DOCK8: variants seen among roughly 807,000 people sequenced by gnomAD.
DOCK8 encodes dedicator of cytokinesis protein 8.
In DOCK8, 141 loss-of-function variants were observed where a neutral mutation model predicts 245.6. The ratio of observed to expected loss-of-function variants is 0.57; its 90% CI spans 0.50 to 0.66. The LOEUF (loss-of-function observed/expected upper bound fraction) is 0.66. DOCK8 is among the 30% of genes least tolerant of loss of function. The probability of loss-of-function intolerance (pLI) is 0.00; values close to 1 mark genes in which losing one functional copy is unlikely to be tolerated. For synonymous variants in DOCK8, 1,168 were observed against 970.2 expected (o/e 1.20, Z -3.79); for missense variants, 2,965 against 2,603.4 (o/e 1.14, Z -3.02).
Position 311,834 on chromosome 9 carries a change from T to C in DOCK8, c.529-120T>C, listed in dbSNP as rs1019201714. Reference sequence around the variant, plus strand: ...AAATCCGCAGTTTCTTCAGAAGACTTGAGGCCTGGCTGAGATTCTGTAGTC... The same window carrying C: ...AAATCCGCAGTTTCTTCAGAAGACTCGAGGCCTGGCTGAGATTCTGTAGTC... On this transcript the variant is annotated intron_variant, in intron 5 of 47. Coordinates refer to ENST00000432829, the MANE Select transcript of DOCK8 (RefSeq NM_203447.4). 9 of 1,239,442 alleles carry C rather than the reference T, an allele frequency of 7.3e-6. No homozygotes were observed. In the African/African-American group the frequency reaches 1.3e-4, roughly 18 times the overall value. The allele number at this position is 1,239,442 out of a possible 1,614,324, so 76.8% of individuals were successfully genotyped here.
At chr9:273,006 C>T in intron 2 of DOCK8, 1 of 984,660 alleles carries the variant, frequency 1.0e-6, no homozygotes, top group Non-Finnish European at 1.2e-6. Context: ...CCACTTCTGC[C>T]TTAGAAATTT....
intron 18 of DOCK8, among the ~76,000 whole-genome samples, chr9:374,229 A>C (rs1195859025): frequency 6.6e-6 from 1 of 152,162 alleles, no homozygotes; most frequent in Non-Finnish European, 1.5e-5. Flanking sequence ...TTAAACCTGC[A>C]CTGTCTGATA....
intron 33 of DOCK8, among the ~76,000 whole-genome samples, chr9:425,424 C>T (rs1006645899): frequency 1.1e-4 from 17 of 151,080 alleles, no homozygotes; most frequent in South Asian, 2.1e-4. Flanking sequence ...CCCAGCTACT[C>T]GGGAGGCTGA....
intron 1 of DOCK8, among the ~76,000 whole-genome samples, chr9:255,781 C>G (rs1048521750): frequency 1.2e-4 from 18 of 151,180 alleles, no homozygotes; most frequent in African/African-American, 4.4e-4. Context: ...AATTTATACT[C>G]ATTGATGTAA....
At chr9:424,254 T>G (rs1211365691) in intron 33 of DOCK8, among the ~76,000 whole-genome samples, 1 of 147,040 alleles carries the variant, frequency 6.8e-6, no homozygotes, top group African/African-American at 2.6e-5. Flanking sequence ...TGGGGAGCTT[T>G]AAAACCTGTC....
chr9:262,033 A>AAGAAAGAAAGAC (rs1232808830), intron 1 of DOCK8, among the ~76,000 whole-genome samples: 1 of 149,100 alleles, frequency 6.7e-6, no homozygotes, highest in African/African-American at 2.5e-5. Flanking sequence ...GAAAGAAAGA[A>AAGAAAGAAAGAC]AGACACCGCG....
At chr9:390,449 A>G (rs370061172) in intron 23 of DOCK8, 22 bp from the exon 24 acceptor site, 5 of 1,607,914 alleles carry the variant, frequency 3.1e-6, no homozygotes, top group South Asian at 1.1e-5. Context: ...TTCACAGCCT[A>G]ATTTTTGTGG....
chr9:373,555 A>G lies in DOCK8; in HGVS notation c.2109+1269A>G, dbSNP rs2053389607. On this transcript the variant is annotated intron_variant, in intron 18 of 47. Transcript: ENST00000432829. Reference sequence around the variant, plus strand: ...ATCTCTGGAGACGCTTTTAATCTACAGATCCTCCATCTCTTTTGCTTTCCT... The same window carrying G: ...ATCTCTGGAGACGCTTTTAATCTACGGATCCTCCATCTCTTTTGCTTTCCT... Among the ~76,000 whole-genome samples, 4 of 152,222 alleles carry G rather than the reference A, an allele frequency of 2.6e-5. No individual in the cohort carries two copies. In the South Asian group the frequency reaches 8.3e-4, roughly 32 times the overall value.
At chr9:240,458 C>G (rs1234592505) in intron 1 of DOCK8, among the ~76,000 whole-genome samples, 1 of 151,644 alleles carries the variant, frequency 6.6e-6, no homozygotes, top group Non-Finnish European at 1.5e-5. Context: ...ACCAATATTT[C>G]CAGCTATACC....
chr9:409,350 A>C lies in DOCK8; in HGVS notation c.3530+2281A>C, dbSNP rs116470394. Among the ~76,000 whole-genome samples the C allele has an allele frequency of 5.6e-3, 851 of 152,344 alleles. 9 individuals carry two copies. The highest frequency in any genetic ancestry group is 0.02 in the African/African-American group (825 of 41,582). ...TCTATCATCTTTGTGTTAAGCCAGC[A>C]AATTGCAATGCCTAATTCAAAACAC... On this transcript the variant is annotated intron_variant, in intron 28 of 47. Coordinates refer to ENST00000432829, the MANE Select transcript of DOCK8 (RefSeq NM_203447.4).
At chr9:368,374 A>C (rs916762376) in intron 15 of DOCK8, 1 of 698,126 alleles carries the variant, frequency 1.4e-6, no homozygotes. Context: ...ATTTTAGAGG[A>C]TTAAAAAAAG....
At chr9:421,960 C>T in intron 32 of DOCK8, 88 bp from the exon 33 acceptor site, 1 of 1,156,572 alleles carries the variant, frequency 8.6e-7, no homozygotes, top group Non-Finnish European at 1.3e-6. Context: ...GGTGCTGAGG[C>T]TTCTCAGTTG....
chr9:422,305 G>A (rs1019144122), intron 33 of DOCK8, among the ~76,000 whole-genome samples, 170 bp downstream of exon 33: 7 of 152,180 alleles, frequency 4.6e-5, no homozygotes, highest in African/African-American at 1.7e-4. Flanking sequence ...AAGGTATAGG[G>A]AGTTGTGGTT....
chr9:421,787 C>T (rs1303801552), intron 32 of DOCK8, among the ~76,000 whole-genome samples: 3 of 152,196 alleles, frequency 2.0e-5, no homozygotes, highest in African/African-American at 7.2e-5. Context: ...CAGAGTTTCA[C>T]AGGAATCCTC....
intron 9 of DOCK8, among the ~76,000 whole-genome samples, chr9:330,490 A>G (rs557440684): frequency 1.5e-4 from 23 of 152,226 alleles, no homozygotes; most frequent in Non-Finnish European, 2.9e-4. Context: ...TCAAATTCCT[A>G]TTTTGCTACA....
chr9:319,832 T>C (rs2050508498), intron 7 of DOCK8, among the ~76,000 whole-genome samples: 2 of 152,216 alleles, frequency 1.3e-5, no homozygotes, highest in Admixed American at 6.5e-5. Context: ...TTTTGTGTTT[T>C]AAATGGAGAA....
At chr9:334,487 G>T in intron 11 of DOCK8, 103 bp downstream of exon 11, 1 of 1,296,548 alleles carries the variant, frequency 7.7e-7, no homozygotes, top group Non-Finnish European at 1.1e-6. Flanking sequence ...GGTGTGGGAA[G>T]TGGGGAGGCA....
intron 32 of DOCK8, 38 bp downstream of exon 32, chr9:421,116 A>G: frequency 6.2e-7 from 1 of 1,613,158 alleles, no homozygotes; most frequent in Non-Finnish European, 8.5e-7. Flanking sequence ...TCTGTCAAGC[A>G]GTTTTTCACT....
At position 286,525 on chromosome 9, in the gene DOCK8, G is replaced by C. The variant is rs563918671; in HGVS notation, c.221G>C (p.Ser74Thr). The C allele has an allele frequency of 6.2e-7, 1 of 1,613,980 alleles. No individual in the cohort carries two copies. Among genetic ancestry groups the C allele is most frequent in the African/African-American group, 1.3e-5 (1 of 75,018 alleles). Reference protein sequence around the residue: ...FEGLLMTHLNSLDVQLAQELG... With the variant: ...FEGLLMTHLNTLDVQLAQELG... ...GGACTTCTGATGACACACCTGAACA[G>C]CCTGGATGTGCAGCTTGCCCAGGAG... Residue 74 changes from serine (S) to threonine (T), a missense_variant, in exon 3 of 48, where the codon AGC (serine) becomes ACC (threonine). By Grantham distance (58) the Ser-to-Thr change is moderately conservative. This residue lies in a region of DOCK8 where 2,825 missense variants were observed against 2,453.5 expected (regional missense o/e 1.15). Transcript: ENST00000432829.
Sources: allele counts gnomAD v4.1 joint callset (sites outside exome capture counted in the v4.1 genomes callset), GRCh38; gene constraint gnomAD v4.1.1; regional missense constraint gnomAD v4.1.1; transcripts MANE v1.5; gene names NCBI Gene and HGNC (gene_info 2026-07-23, HGNC 2026-07-21).